EML4: variants seen among roughly 807,000 people sequenced by gnomAD.
EML4 encodes echinoderm microtubule-associated protein-like 4.
Under a neutral mutation model 129.0 loss-of-function variants are expected in EML4, and 72 were observed. The ratio of observed to expected loss-of-function variants is 0.56; its 90% CI spans 0.46 to 0.68. The LOEUF (loss-of-function observed/expected upper bound fraction) is 0.68, where lower values mean the gene tolerates loss of function less well. Among genes scored for constraint, EML4 ranks in the 30% least tolerant of loss-of-function variants. EML4 has a pLI of 0.00. For synonymous variants in EML4, 532 were observed against 405.0 expected (o/e 1.31, Z -3.77); for missense variants, 1,363 against 1,190.6 (o/e 1.14, Z -2.13).
intron 2 of EML4, among the ~76,000 whole-genome samples, chr2:42,247,662 GATTTATTT>G (rs368933918): frequency 1.1e-4 from 16 of 151,942 alleles, no homozygotes; most frequent in African/African-American, 1.4e-4. Flanking sequence ...TTGCTTGCTT[GATTTATTT>G]ATTTATTTAT....
At chr2:42,209,410 C>T (rs1672749082) in intron 1 of EML4, among the ~76,000 whole-genome samples, 1 of 152,224 alleles carries the variant, frequency 6.6e-6, no homozygotes, top group Admixed American at 6.5e-5. Context: ...CTGATTTAAT[C>T]CTCACAGCAG....
chr2:42,267,830 G>A (rs1377340367), intron 6 of EML4, among the ~76,000 whole-genome samples: 3 of 152,234 alleles, frequency 2.0e-5, no homozygotes, highest in Middle Eastern at 6.8e-3. Context: ...AGTTCTGCTG[G>A]GTTGTGCTCC....
chr2:42,235,576 T>G (rs1245792054), intron 1 of EML4, among the ~76,000 whole-genome samples: 2 of 152,194 alleles, frequency 1.3e-5, no homozygotes, highest in Non-Finnish European at 2.9e-5. Flanking sequence ...CCATTACCAT[T>G]CTAACCTATA....
intron 6 of EML4, among the ~76,000 whole-genome samples, chr2:42,265,653 TA>T (rs1249088398): frequency 6.9e-6 from 1 of 144,496 alleles, no homozygotes; most frequent in Non-Finnish European, 1.5e-5. Flanking sequence ...TTTTCTCCCT[TA>T]AAAAAAAGTT....
chr2:42,280,029 T>C (rs7565617), intron 6 of EML4, among the ~76,000 whole-genome samples: 42,333 of 151,982 alleles, frequency 0.28, 6,445 homozygotes, highest in East Asian at 0.57. Context: ...ATATATGGCT[T>C]GCAAATATTT....
chr2:42,320,162 A>G (rs1401239459), intron 19 of EML4, among the ~76,000 whole-genome samples: 3 of 152,102 alleles, frequency 2.0e-5, no homozygotes, highest in Non-Finnish European at 4.4e-5. Context: ...GAATGATGAC[A>G]TCATTATAGT....
chr2:42,258,204 T>C (rs1332938444), intron 3 of EML4, among the ~76,000 whole-genome samples: 1 of 152,096 alleles, frequency 6.6e-6, no homozygotes, highest in Non-Finnish European at 1.5e-5. Flanking sequence ...ATGGCTCTTT[T>C]AGGTTGTACT....
chr2:42,188,613 T>C (rs1671403993), intron 1 of EML4, among the ~76,000 whole-genome samples: 1 of 152,104 alleles, frequency 6.6e-6, no homozygotes, highest in African/African-American at 2.4e-5. Context: ...TGGTGCGATC[T>C]TGGCTCACTG....
chr2:42,201,314 A>C (rs1398496475), intron 1 of EML4, among the ~76,000 whole-genome samples: 1 of 152,216 alleles, frequency 6.6e-6, no homozygotes, highest in African/African-American at 2.4e-5. Flanking sequence ...AGGAGTTAGC[A>C]TTATTATCCC....
At chr2:42,284,242 G>A (rs1335645674) in intron 8 of EML4, among the ~76,000 whole-genome samples, 1 of 152,126 alleles carries the variant, frequency 6.6e-6, no homozygotes, top group Non-Finnish European at 1.5e-5. Context: ...GGATTATGTA[G>A]CAAAAGGAAA....
chr2:42,264,984 A>G, intron 6 of EML4: 2 of 1,538,524 alleles, frequency 1.3e-6, no homozygotes, highest in Non-Finnish European at 1.8e-6. Flanking sequence ...GTTGCCTTCT[A>G]AGTGAATTTT....
intron 1 of EML4, among the ~76,000 whole-genome samples, chr2:42,208,681 C>A (rs1444458202): frequency 2.0e-5 from 3 of 152,176 alleles, no homozygotes; most frequent in African/African-American, 7.2e-5. Flanking sequence ...GATCCACCCT[C>A]CTTGGCCTCC....
At chr2:42,246,643 G>A (rs1419017588) in intron 2 of EML4, among the ~76,000 whole-genome samples, 1 of 152,172 alleles carries the variant, frequency 6.6e-6, no homozygotes, top group Non-Finnish European at 1.5e-5. Flanking sequence ...AATTACATAT[G>A]GATCTAGTGC....
chr2:42,177,178 T>A (rs929466261), intron 1 of EML4, among the ~76,000 whole-genome samples: 2 of 152,132 alleles, frequency 1.3e-5, no homozygotes, highest in Admixed American at 6.5e-5. Context: ...GGAGATTTCA[T>A]GATCCAGTAA....
intron 1 of EML4, among the ~76,000 whole-genome samples, chr2:42,222,742 T>C (rs1470580688): frequency 1.3e-5 from 2 of 152,202 alleles, no homozygotes; most frequent in Non-Finnish European, 2.9e-5. Context: ...CCATTGATCA[T>C]GCATAGCCCT....
At chr2:42,196,641 CA>C (rs1360967118) in intron 1 of EML4, among the ~76,000 whole-genome samples, 1 of 152,164 alleles carries the variant, frequency 6.6e-6, no homozygotes, top group Non-Finnish European at 1.5e-5. Flanking sequence ...ATCAGCGAAA[CA>C]AAGAGCTGGA....
Position 42,331,961 on chromosome 2 carries a change from A to C in EML4, c.*1754A>C. On this transcript the variant is annotated 3_prime_UTR_variant, in exon 23 of 23. Coordinates refer to ENST00000318522, the MANE Select transcript of EML4 (RefSeq NM_019063.5). ...AAAAAACCTCAAAATAGTTCTCTTC[A>C]AAAGAAGAGAGATTCCAAGCAACCC... The C allele has an allele frequency of 4.7e-6, 1 of 214,964 alleles. No individual in the cohort carries two copies. 13.3% of individuals were successfully genotyped at this position (214,964 alleles called of 1,614,324 possible).
At chr2:42,288,502 A>T in intron 11 of EML4, 180 bp downstream of exon 11, 1 of 357,924 alleles carries the variant, frequency 2.8e-6, no homozygotes. Context: ...ATAGTTATAC[A>T]AGATAAAATA....
chr2:42,244,108 T>G (rs865911293), intron 1 of EML4, among the ~76,000 whole-genome samples: 32 of 116,582 alleles, frequency 2.7e-4, no homozygotes, highest in Middle Eastern at 3.7e-3. Context: ...TTTGTTTTTT[T>G]TTTTTTTTTG....
Sources: gnomAD v4.1 joint callset for allele counts (sites outside exome capture counted in the v4.1 genomes callset) on GRCh38, gnomAD v4.1.1 for gene constraint, MANE v1.5 for transcripts, NCBI Gene and HGNC (gene_info 2026-07-23, HGNC 2026-07-21) for gene names.